NINJ1: variants seen among roughly 807,000 people sequenced by gnomAD.
NINJ1 encodes ninjurin 1.
A neutral mutation model predicts 12.7 loss-of-function variants in NINJ1; 6 were observed. The observed-to-expected ratio is 0.47, with a 90% CI of 0.26 to 0.93. The LOEUF (loss-of-function observed/expected upper bound fraction) is 0.93, where lower values mean the gene tolerates loss of function less well. NINJ1 is among the 40% of genes least tolerant of loss of function. The pLI is 0.15. For missense variants in NINJ1, 170 were observed against 213.0 expected, an observed-to-expected ratio of 0.80 and a Z score of 1.26; for synonymous variants, 100 against 96.0, an observed-to-expected ratio of 1.04 and a Z score of -0.25.
chr9:93,122,721 G>A (rs570232970), intron 3 of NINJ1, among the ~76,000 whole-genome samples: 7 of 152,292 alleles, frequency 4.6e-5, no homozygotes, highest in Middle Eastern at 3.4e-3. Flanking sequence ...AGCCACCCAC[G>A]AAGCCTGAGA....
chr9:93,134,076 G>A (rs931342707), intron 1 of NINJ1, 67 bp downstream of exon 1: 6 of 1,307,918 alleles, frequency 4.6e-6, no homozygotes, highest in African/African-American at 1.5e-5. Context: ...CAGGTGCCCG[G>A]GGAGCCGCGG....
rs199837093 is a variant in NINJ1 at position 93,124,879 on chromosome 9, C to A, written c.*9+20G>T. On this transcript the variant is annotated intron_variant, in intron 3 of 3. Transcript: ENST00000375446. ...AGCAACCCCAGGACTGCAGGCCTCG[C>A]GCCCCATCTCCCAGCTCACCTGGGT... 2.9e-4 allele frequency: 468 copies of A among 1,586,878 alleles called. 2 individuals are homozygous for A. The African/African-American group carries it at 5.4e-3, about 18-fold the overall frequency.
chr9:93,126,153 C>T (rs149857074), intron 2 of NINJ1: 6 of 519,310 alleles, frequency 1.2e-5, no homozygotes, highest in African/African-American at 3.9e-5. Flanking sequence ...GCCGAGACTG[C>T]GCCACTGCAT....
At chr9:93,128,929 C>T (rs1193153518) in intron 1 of NINJ1, among the ~76,000 whole-genome samples, 2 of 152,256 alleles carry the variant, frequency 1.3e-5, no homozygotes, top group African/African-American at 4.8e-5. Flanking sequence ...AACAGACACA[C>T]AAGCCCAGGC....
At position 93,121,676 on chromosome 9, in the gene NINJ1, A is replaced by T. The variant is rs1127851; in HGVS notation, c.*564T>A. On this transcript the variant is annotated 3_prime_UTR_variant, in exon 4 of 4. Coordinates refer to ENST00000375446, the MANE Select transcript of NINJ1 (RefSeq NM_004148.4). ...TGATGGCCACCAAGCCCAGGCACTTAAGACCAGAGCCAGTGGCCATCCGTA... is the reference window on the plus strand; with the variant it reads ...TGATGGCCACCAAGCCCAGGCACTTTAGACCAGAGCCAGTGGCCATCCGTA... 0.77 allele frequency: 118,083 copies of T among 152,404 alleles called. 46,148 individuals are homozygous for T. The highest frequency in any genetic ancestry group is 0.89 in the East Asian group (4,581 of 5,164). The allele number at this position is 152,404 out of a possible 1,614,324, so 9.4% of individuals were successfully genotyped here.
intron 1 of NINJ1, among the ~76,000 whole-genome samples, chr9:93,131,755 G>A (rs1022019472): frequency 2.6e-5 from 4 of 152,194 alleles, no homozygotes; most frequent in Non-Finnish European, 4.4e-5. Context: ...CCACAGGGGC[G>A]CAGGGCACAC....
chr9:93,126,448 A>G lies in NINJ1; in HGVS notation c.266T>C (p.Val89Ala). 6.2e-7 allele frequency: 1 copy of G among 1,614,134 alleles called. No homozygotes were observed. Among genetic ancestry groups the G allele is most frequent in the South Asian group, 1.1e-5 (1 of 91,086 alleles). The change falls in exon 2 of 4, where the codon GTG becomes GCG. Residue 89 changes from valine to alanine, a missense_variant. By Grantham distance (64) the Val-to-Ala change is moderately conservative. Transcript: ENST00000375446. ...CAGCACCCCCACGCCGATCTGCAGC[A>G]CAAGGGAGATGGAGATGAGGACCAC... ...PLVVLISISL[V>A]LQIGVGVLLI...
chr9:93,127,910 T>C (rs1194808057), intron 1 of NINJ1, among the ~76,000 whole-genome samples: 1 of 152,244 alleles, frequency 6.6e-6, no homozygotes, highest in African/African-American at 2.4e-5. Context: ...GCCTCGACTT[T>C]CTGCAGGCTG....
At chr9:93,126,762 G>T in intron 1 of NINJ1, 124 bp from the exon 2 acceptor site, 1 of 693,514 alleles carries the variant, frequency 1.4e-6, no homozygotes, top group Non-Finnish European at 2.4e-6. Context: ...CCCCTGGTAA[G>T]TGCTCAGACA....
chr9:93,123,672 G>A (rs892740366), intron 3 of NINJ1, among the ~76,000 whole-genome samples: 18 of 152,246 alleles, frequency 1.2e-4, no homozygotes, highest in Admixed American at 4.6e-4. Flanking sequence ...ACCACTGGTG[G>A]AGAGATGGCC....
Position 93,126,552 on chromosome 9 carries a change from G to T in NINJ1, c.162C>A (p.Ile54=), listed in dbSNP as rs765652528. The T allele has an allele frequency of 6.2e-7, 1 of 1,614,118 alleles. No individual in the cohort carries two copies. The highest frequency in any genetic ancestry group is 1.7e-5 in the Admixed American group (1 of 60,016). Reference sequence around the variant, plus strand: ...GGGACGCGTTGGCCATCAGCAGCGCGATGTCCAGCATGCTCTCGGCTGCGC... The same window carrying T: ...GGGACGCGTTGGCCATCAGCAGCGCTATGTCCAGCATGCTCTCGGCTGCGC... The part of the protein sequence containing the change: ...KKSAAESMLD[I]ALLMANASQL... The change falls in exon 2 of 4, where the codon ATC becomes ATA. Residue 54 remains isoleucine (I), a synonymous_variant. Transcript: ENST00000375446.
intron 3 of NINJ1, 83 bp from the exon 4 acceptor site, chr9:93,122,313 G>A (rs1206115956): frequency 6.5e-6 from 1 of 153,020 alleles, no homozygotes; most frequent in African/African-American, 2.4e-5. Context: ...GAGAGGAGAG[G>A]GTCTGAGCCT....
intron 1 of NINJ1, among the ~76,000 whole-genome samples, chr9:93,132,325 C>T (rs561105522): frequency 6.6e-6 from 1 of 152,322 alleles, no homozygotes; most frequent in East Asian, 1.9e-4. Context: ...TCCACAGCTC[C>T]CTGGACACCA....
intron 3 of NINJ1, 29 bp downstream of exon 3, chr9:93,124,870 C>T: frequency 6.4e-7 from 1 of 1,574,256 alleles, no homozygotes; most frequent in Non-Finnish European, 8.6e-7. Context: ...CCCAGGACTG[C>T]AGGCCTCGCG....
intron 1 of NINJ1, among the ~76,000 whole-genome samples, chr9:93,132,730 G>C (rs960138007): frequency 4.6e-5 from 7 of 152,168 alleles, no homozygotes; most frequent in Admixed American, 1.3e-4. Context: ...ACAGTGATCC[G>C]GGAACAAATC....
chr9:93,126,309 G>T, intron 2 of NINJ1, 101 bp downstream of exon 2: 1 of 1,017,576 alleles, frequency 9.8e-7, no homozygotes, highest in Non-Finnish European at 1.4e-6. Context: ...GCAGCTCCTT[G>T]AGAGCCAAGT....
In NINJ1 at chr9:93,126,532, G is replaced by T; in HGVS notation, c.182C>A (p.Ala61Glu). ...TTCCACGACGGCCTTCAGCTGGGAC[G>T]CGTTGGCCATCAGCAGCGCGATGTC... ...MLDIALLMAN[A>E]SQLKAVVEQG... is the part of the protein sequence containing the mutation. Residue 61 changes from alanine to glutamate, a missense_variant, in exon 2 of 4, where the codon GCG (alanine) becomes GAG (glutamate). Transcript: ENST00000375446. 2 of 1,614,170 alleles carry T rather than the reference G, an allele frequency of 1.2e-6. No homozygotes were observed. Among genetic ancestry groups the T allele is most frequent in the Admixed American group, 1.7e-5 (1 of 60,022 alleles).
At position 93,124,950 on chromosome 9, in the gene NINJ1, G is replaced by A. The variant is rs61755996; in HGVS notation, c.417C>T (p.Phe139=). 518 of 1,614,006 alleles carry A rather than the reference G, an allele frequency of 3.2e-4. No homozygotes were observed. In the African/African-American group the frequency reaches 4.6e-3, roughly 14 times the overall value. ...TGTCCATCAAGGGCTTCTGGACCCC[G>A]AAGGCCGTGATGAAGATGTTGACTA... The part of the protein sequence containing the change: ...IVVVNIFITA[F]GVQKPLMDMA... Residue 139 remains phenylalanine, a synonymous_variant, in exon 3 of 4, where the codon TTC becomes TTT. Transcript: ENST00000375446.
intron 2 of NINJ1, 82 bp from the exon 3 acceptor site, chr9:93,125,144 C>A (rs1476651414): frequency 4.2e-6 from 6 of 1,412,536 alleles, no homozygotes; most frequent in Non-Finnish European, 5.8e-6. Flanking sequence ...GGGGACCCAC[C>A]CCAGCGGTCA....
Sources: allele counts gnomAD v4.1 joint callset (sites outside exome capture counted in the v4.1 genomes callset), GRCh38; gene constraint gnomAD v4.1.1; transcripts MANE v1.5; gene names NCBI Gene and HGNC (gene_info 2026-07-23, HGNC 2026-07-21).